The following KCNQ1 variants were observed in gnomAD, a reference collection of about 807,000 sequenced individuals.
KCNQ1 encodes the protein potassium voltage-gated channel subfamily Q member 1.
In KCNQ1, 49 loss-of-function variants were observed where a neutral mutation model predicts 72.4. That is an observed-to-expected ratio of 0.68 (90% CI 0.54 to 0.86). KCNQ1 has a LOEUF of 0.86. Ranked by LOEUF, KCNQ1 falls within the 40% of genes least tolerant of loss-of-function variation. The probability of loss-of-function intolerance (pLI) is 0.00; values close to 1 mark genes in which losing one functional copy is unlikely to be tolerated. For synonymous variants in KCNQ1, 450 were observed against 412.6 expected (o/e 1.09, Z -1.10); for missense variants, 790 against 945.1 (o/e 0.84, Z 2.15).
In KCNQ1 at chr11:2,544,844, G is replaced by T. The variant is rs1847882462; in HGVS notation, c.477+16826G>T. 6.6e-6 allele frequency among the ~76,000 whole-genome samples: 1 copy of T among 152,128 alleles called. No homozygotes were observed. On this transcript the variant is annotated intron_variant, in intron 2 of 15. Transcript: ENST00000155840. The surrounding 1 kb of genome is among the most constrained non-coding windows in gnomAD (Gnocchi z 4.4). ...TGCACTGGGCGGCTCATCCACTGCAGTGTCCAATACAAGTGAACACTGCTG... is the reference window on the plus strand; with the variant it reads ...TGCACTGGGCGGCTCATCCACTGCATTGTCCAATACAAGTGAACACTGCTG...
rs961164008 is a variant in KCNQ1, at chr11:2,617,720, G to T, written c.1393+28866G>T. ...CCCTAACCCTAGCCAACACTTAATA[G>T]CTATTCTCATGAGTGTGAGGTGATA... On this transcript the variant is annotated intron_variant, in intron 10 of 15. Transcript: ENST00000155840. The surrounding 1 kb of genome is among the most constrained non-coding windows in gnomAD (Gnocchi z 4.6). 1.0e-5 allele frequency: 4 copies of T among 398,336 alleles called. No individual in the cohort carries two copies. The highest frequency in any genetic ancestry group is 8.2e-5 in the African/African-American group (4 of 48,610). 24.7% of individuals were successfully genotyped at this position (398,336 alleles called of 1,614,324 possible). A position where few individuals can be genotyped will look rare whatever the true frequency, so the allele number is the denominator to read the frequency against.
rs1848776972 is a variant in KCNQ1, at chr11:2,599,899, A to T, written c.1393+11045A>T. 6.6e-6 allele frequency among the ~76,000 whole-genome samples: 1 copy of T among 152,212 alleles called. No homozygotes were observed. ...TGAGTCACGTGCCGAGGTATTAAAGACCAGGGCTTCAACTGCAAACCTTGT... is the reference window on the plus strand; with the variant it reads ...TGAGTCACGTGCCGAGGTATTAAAGTCCAGGGCTTCAACTGCAAACCTTGT... On this transcript the variant is annotated intron_variant, in intron 10 of 15. Coordinates refer to ENST00000155840, the MANE Select transcript of KCNQ1 (RefSeq NM_000218.3). This position sits in a 1 kb window ranked among gnomAD's most constrained non-coding sequence, Gnocchi z 4.7.
At position 2,541,304 on chromosome 11, in the gene KCNQ1, T is replaced by C. The variant is rs1847819056; in HGVS notation, c.477+13286T>C. On this transcript the variant is annotated intron_variant, in intron 2 of 15. Transcript: ENST00000155840. The surrounding 1 kb of genome is among the most constrained non-coding windows in gnomAD (Gnocchi z 4.8). ...TGGTCAGTTTCCGAGCACCATGTGC[T>C]GAGAATGATGCGTGCATTCAGAGCA... Among the ~76,000 whole-genome samples the C allele has an allele frequency of 6.6e-6, 1 of 152,244 alleles. No homozygotes were observed. Among genetic ancestry groups the C allele is most frequent in the African/African-American group, 2.4e-5 (1 of 41,458 alleles).
intron 10 of KCNQ1, chr11:2,637,150 T>A (rs1341676864): frequency 1.3e-5 from 2 of 152,192 alleles, no homozygotes; most frequent in East Asian, 3.8e-4. Context: ...ATTCATTGAT[T>A]TTTTGAAGGG....
At chr11:2,596,727 A>C (rs949628039) in intron 10 of KCNQ1, among the ~76,000 whole-genome samples, 5 of 152,132 alleles carry the variant, frequency 3.3e-5, no homozygotes, top group Non-Finnish European at 7.4e-5. Flanking sequence ...AAAGGACAAA[A>C]GGGCACAAAA....
chr11:2,606,892 ATTTTTTTT>A (rs869121696), intron 10 of KCNQ1, among the ~76,000 whole-genome samples: 360 of 82,748 alleles, frequency 4.4e-3, no homozygotes, highest in Admixed American at 6.2e-3. Context: ...ATTATCTGTG[ATTTTTTTT>A]TTTTTTTTTT....
intron 2 of KCNQ1, among the ~76,000 whole-genome samples, chr11:2,539,167 T>C (rs1414495705): frequency 6.6e-6 from 1 of 152,144 alleles, no homozygotes; most frequent in Non-Finnish European, 1.5e-5. Context: ...CCATTGCTCC[T>C]CCACCAGAAC....
intron 11 of KCNQ1, chr11:2,686,876 C>T (rs891608916): frequency 7.5e-6 from 3 of 398,544 alleles, no homozygotes; most frequent in Non-Finnish European, 4.4e-6. Flanking sequence ...TTTGTGTCTG[C>T]CCAGTGACCA....
intron 15 of KCNQ1, among the ~76,000 whole-genome samples, chr11:2,845,848 G>A (rs915051486): frequency 1.3e-5 from 2 of 152,038 alleles, no homozygotes; most frequent in Admixed American, 6.5e-5. Context: ...TCAGGCAGGC[G>A]CCCCCCTCTC....
chr11:2,813,021 G>C lies in KCNQ1; in HGVS notation c.1795-34746G>C, dbSNP rs1255018841. On this transcript the variant is annotated intron_variant, in intron 15 of 15. Transcript: ENST00000155840. This position sits in a 1 kb window ranked among gnomAD's most constrained non-coding sequence, Gnocchi z 4.4. ...CTGCCCCAGCCTGTGCCTGTGCCTG[G>C]AGGCTGTGGCCTGGCTCTCCAGCTG... 6.6e-6 allele frequency among the ~76,000 whole-genome samples: 1 copy of C among 152,264 alleles called. No homozygotes were observed. The highest frequency in any genetic ancestry group is 1.5e-5 in the Non-Finnish European group (1 of 68,048).
At chr11:2,531,031 C>T (rs1198175344) in intron 2 of KCNQ1, among the ~76,000 whole-genome samples, 6 of 152,148 alleles carry the variant, frequency 3.9e-5, no homozygotes. Context: ...CCCAGGTGCT[C>T]CTGCCCAGCC....
At chr11:2,522,600 A>G (rs1422205215) in intron 1 of KCNQ1, among the ~76,000 whole-genome samples, 1 of 152,276 alleles carries the variant, frequency 6.6e-6, no homozygotes, top group South Asian at 2.1e-4. Flanking sequence ...TCTGGAGTAG[A>G]TAAAAGTAAG....
chr11:2,662,934 C>G (rs1031070273), intron 11 of KCNQ1: 3 of 398,504 alleles, frequency 7.5e-6, no homozygotes, highest in Non-Finnish European at 1.3e-5. Context: ...CCATGTGTGT[C>G]TTTGTCGTAG....
At chr11:2,840,514 C>CA (rs201591401) in intron 15 of KCNQ1, 3 of 135,504 alleles carry the variant, frequency 2.2e-5, no homozygotes, top group Non-Finnish European at 3.1e-5. Flanking sequence ...AAACACAAAT[C>CA]AAAAAAGTAT....
chr11:2,797,604 C>T (rs371017587), intron 15 of KCNQ1, among the ~76,000 whole-genome samples: 14 of 152,220 alleles, frequency 9.2e-5, no homozygotes, highest in African/African-American at 2.6e-4. Flanking sequence ...CATCTGACCG[C>T]CTTCTTGTAT....
intron 11 of KCNQ1, among the ~76,000 whole-genome samples, chr11:2,753,796 GAC>G (rs998177525): frequency 3.3e-5 from 5 of 152,132 alleles, no homozygotes; most frequent in African/African-American, 1.2e-4. Context: ...TTTGGCCGGG[GAC>G]ACACACATTT....
At chr11:2,736,422 C>T (rs775705504) in intron 11 of KCNQ1, among the ~76,000 whole-genome samples, 7 of 152,132 alleles carry the variant, frequency 4.6e-5, no homozygotes, top group Non-Finnish European at 7.4e-5. Flanking sequence ...CTTCCTGAGA[C>T]TTGTGACCAG....
chr11:2,701,384 G>A (rs144680145), intron 11 of KCNQ1, among the ~76,000 whole-genome samples: 128 of 152,270 alleles, frequency 8.4e-4, no homozygotes, highest in East Asian at 6.4e-3. Context: ...TCCCCTGGGC[G>A]CCTGTCCCTT....
chr11:2,532,214 C>T (rs145055529), intron 2 of KCNQ1, among the ~76,000 whole-genome samples: 32 of 152,202 alleles, frequency 2.1e-4, no homozygotes, highest in Admixed American at 5.2e-4. Flanking sequence ...CCATTCCACA[C>T]TCCCTGAGGG....
Sources: allele counts gnomAD v4.1 joint callset (sites outside exome capture counted in the v4.1 genomes callset), GRCh38; gene constraint gnomAD v4.1.1; non-coding constraint Gnocchi (gnomAD v3.1); transcripts MANE v1.5; gene names NCBI Gene and HGNC (gene_info 2026-07-23, HGNC 2026-07-21).